PCDHGA5: variants seen among roughly 807,000 people sequenced by gnomAD.
PCDHGA5 encodes the protein protocadherin gamma-A5.
PCDHGA5 carries 36 observed loss-of-function variants against 56.7 expected under a neutral mutation model. The ratio of observed to expected loss-of-function variants is 0.64; its 90% CI spans 0.49 to 0.84. The LOEUF is 0.84. Ranked by LOEUF, PCDHGA5 falls within the 40% of genes least tolerant of loss-of-function variation. The pLI is 0.00. For synonymous variants in PCDHGA5, 563 were observed against 520.2 expected (o/e 1.08, Z -1.12); for missense variants, 1,305 against 1,201.5 (o/e 1.09, Z -1.27).
chr5:141,474,153 A>G (rs1424442765), intron 1 of PCDHGA5, among the ~76,000 whole-genome samples: 3 of 152,254 alleles, frequency 2.0e-5, no homozygotes, highest in Non-Finnish European at 4.4e-5. Flanking sequence ...TATCAAGAAA[A>G]TGACAGGCCT....
intron 1 of PCDHGA5, among the ~76,000 whole-genome samples, chr5:141,369,259 A>G (rs1009841286): frequency 6.6e-6 from 1 of 152,214 alleles, no homozygotes; most frequent in African/African-American, 2.4e-5. Flanking sequence ...TAATATAATT[A>G]TAAGGACTTA....
At chr5:141,374,566 T>C (rs368553948) in intron 1 of PCDHGA5, 21 of 1,613,582 alleles carry the variant, frequency 1.3e-5, no homozygotes, top group South Asian at 3.3e-5. Flanking sequence ...ATGACCCTGA[T>C]GTGGGAATGA....
rs767515334 is a variant in PCDHGA5, at chr5:141,403,753, C to A, written c.2421+37002C>A. ...CCTGGCTGCTTACTGCAACAGCCAG[C>A]GACCTGGATGAGGGAATCAACGGAA... is the stretch of plus-strand genomic sequence containing the variant. On this transcript the variant is annotated intron_variant, in intron 1 of 3. Transcript: ENST00000518069. The A allele has an allele frequency of 1.9e-6, 3 of 1,613,502 alleles. No individual in the cohort carries two copies. The Admixed American group carries it at 5.0e-5, about 27-fold the overall frequency.
chr5:141,491,361 C>T lies in PCDHGA5; in HGVS notation c.2422-3446C>T. 1 of 1,614,132 alleles carries T rather than the reference C, an allele frequency of 6.2e-7. No homozygotes were observed. The highest frequency in any genetic ancestry group is 8.5e-7 in the Non-Finnish European group (1 of 1,179,982). ...CGACCGTCAGTCTCTTATCCCTAGT[C>T]ACCTTCACCTTTCTGTCAGCGAAGT... On this transcript the variant is annotated intron_variant, in intron 1 of 3. Transcript: ENST00000518069. The surrounding 1 kb of genome is among the most constrained non-coding windows in gnomAD (Gnocchi z 6.9).
intron 1 of PCDHGA5, among the ~76,000 whole-genome samples, chr5:141,446,065 G>T (rs1285093512): frequency 2.0e-5 from 3 of 152,306 alleles, no homozygotes; most frequent in African/African-American, 7.2e-5. Flanking sequence ...GATTAAAGGG[G>T]AGGCAGTGGA....
chr5:141,410,349 G>A, intron 1 of PCDHGA5: 1 of 1,613,994 alleles, frequency 6.2e-7, no homozygotes, highest in Non-Finnish European at 8.5e-7. Flanking sequence ...TTGCGCCTGC[G>A]ACGCTCTCTC....
intron 1 of PCDHGA5, chr5:141,394,322 G>A (rs1438978424): frequency 1.9e-6 from 3 of 1,613,842 alleles, no homozygotes; most frequent in African/African-American, 1.3e-5. Flanking sequence ...CCCTGTCCTC[G>A]TATATCTCCA....
chr5:141,376,504 T>C, intron 1 of PCDHGA5: 1 of 1,614,034 alleles, frequency 6.2e-7, no homozygotes, highest in African/African-American at 1.3e-5. Context: ...CCAGGCAACT[T>C]CAGGTGAGTT....
intron 1 of PCDHGA5, chr5:141,417,121 G>C (rs2096086482): frequency 6.6e-6 from 1 of 152,110 alleles, no homozygotes; most frequent in Non-Finnish European, 1.5e-5. Context: ...GGACACCCTG[G>C]ATGATGGTAA....
chr5:141,448,211 T>TA (rs2098575794), intron 1 of PCDHGA5, among the ~76,000 whole-genome samples: 1 of 152,212 alleles, frequency 6.6e-6, no homozygotes, highest in East Asian at 1.9e-4. Flanking sequence ...TTTCTGTGTG[T>TA]ATGCGAATGT....
intron 1 of PCDHGA5, chr5:141,398,266 G>A: frequency 1.4e-6 from 2 of 1,439,368 alleles, no homozygotes; most frequent in Non-Finnish European, 1.9e-6. Flanking sequence ...GGGCTCCGTA[G>A]TGGGGAACCT....
intron 1 of PCDHGA5, among the ~76,000 whole-genome samples, chr5:141,402,305 A>AT (rs2150927260): frequency 6.6e-6 from 1 of 152,140 alleles, no homozygotes; most frequent in South Asian, 2.1e-4. Flanking sequence ...GTATTAATAC[A>AT]ATTATATATT....
intron 3 of PCDHGA5, among the ~76,000 whole-genome samples, chr5:141,508,752 C>G (rs2099871515): frequency 6.6e-6 from 1 of 152,028 alleles, no homozygotes. Flanking sequence ...CGCTCTTTCT[C>G]TGGCGCCTCT....
intron 1 of PCDHGA5, chr5:141,427,612 T>G (rs975527074): frequency 2.9e-6 from 2 of 691,298 alleles, no homozygotes; most frequent in African/African-American, 1.8e-5. Flanking sequence ...ATTGGTGAAG[T>G]CAACGACAAT....
At chr5:141,388,018 C>A (rs528825785) in intron 1 of PCDHGA5, 2 of 1,460,562 alleles carry the variant, frequency 1.4e-6, no homozygotes, top group African/African-American at 2.9e-5. Flanking sequence ...CCCAAGGGCT[C>A]CGTAGTGGGG....
At chr5:141,483,323 G>A (rs2099579999) in intron 1 of PCDHGA5, among the ~76,000 whole-genome samples, 1 of 152,104 alleles carries the variant, frequency 6.6e-6, no homozygotes, top group Non-Finnish European at 1.5e-5. Flanking sequence ...GGGACTGGAG[G>A]CAAAGAGATC....
intron 1 of PCDHGA5, chr5:141,422,754 C>T: frequency 1.2e-6 from 2 of 1,612,450 alleles, no homozygotes; most frequent in Non-Finnish European, 1.7e-6. Flanking sequence ...TCTCTATTAA[C>T]TCCAACACTG....
Position 141,485,267 on chromosome 5 carries a change from C to T in PCDHGA5, c.2422-9540C>T, listed in dbSNP as rs767229426. On this transcript the variant is annotated intron_variant, in intron 1 of 3. Transcript: ENST00000518069. This position sits in a 1 kb window ranked among gnomAD's most constrained non-coding sequence, Gnocchi z 5.7. ...CCTGGGTTACGTTTGTGGGCAGATC[C>T]GCTACCCGGTCCCAGAGGAGTCACA... is the stretch of plus-strand genomic sequence containing the variant. 6.2e-7 allele frequency: 1 copy of T among 1,614,088 alleles called. No homozygotes were observed. Among genetic ancestry groups the T allele is most frequent in the South Asian group, 1.1e-5 (1 of 91,082 alleles).
chr5:141,366,512 G>A lies in PCDHGA5; in HGVS notation c.2182G>A (p.Glu728Lys), dbSNP rs1764605826. The part of the protein sequence containing the change: ...RWHKSRLLQA[E>K]GSRLAGVPAS... Reference sequence around the variant, plus strand: ...GCACAAGTCACGCCTGCTTCAGGCTGAAGGCAGCAGGTTGGCGGGTGTGCC... The same window carrying A: ...GCACAAGTCACGCCTGCTTCAGGCTAAAGGCAGCAGGTTGGCGGGTGTGCC... The change falls in exon 1 of 4, where the codon GAA becomes AAA. Residue 728 changes from glutamate (E) to lysine (K), a missense_variant. By Grantham distance (56) the Glu-to-Lys change is moderately conservative. Coordinates refer to ENST00000518069, the MANE Select transcript of PCDHGA5 (RefSeq NM_018918.3). 6.2e-7 allele frequency: 1 copy of A among 1,614,288 alleles called. No homozygotes were observed. Among genetic ancestry groups the A allele is most frequent in the Non-Finnish European group, 8.5e-7 (1 of 1,180,056 alleles).
Sources: allele counts gnomAD v4.1 joint callset (sites outside exome capture counted in the v4.1 genomes callset), GRCh38; gene constraint gnomAD v4.1.1; non-coding constraint Gnocchi (gnomAD v3.1); transcripts MANE v1.5; gene names NCBI Gene and HGNC (gene_info 2026-07-23, HGNC 2026-07-21).